FCRL5: variants seen among roughly 807,000 people sequenced by gnomAD.
The protein encoded by FCRL5 is Fc receptor-like protein 5.
FCRL5 carries 79 observed loss-of-function variants against 92.1 expected under a neutral mutation model. That is an observed-to-expected ratio of 0.86 (90% CI 0.72 to 1.03). FCRL5 has a LOEUF of 1.03. FCRL5 is among the 50% of genes least tolerant of loss of function. The pLI is 0.00. For synonymous variants in FCRL5, 466 were observed against 469.3 expected (o/e 0.99, Z 0.09); for missense variants, 1,160 against 1,181.1 (o/e 0.98, Z 0.26).
At chr1:157,530,038 A>G (rs1256323692) in intron 8 of FCRL5, among the ~76,000 whole-genome samples, 1 of 152,246 alleles carries the variant, frequency 6.6e-6, no homozygotes, top group Non-Finnish European at 1.5e-5. Flanking sequence ...GTAAAAATAA[A>G]AAGTTTTACC....
chr1:157,524,259 G>A lies in FCRL5; in HGVS notation c.2239+20C>T. 6 of 1,613,492 alleles carry A rather than the reference G, an allele frequency of 3.7e-6. No individual in the cohort carries two copies. In the South Asian group the frequency reaches 5.5e-5, roughly 15 times the overall value. The stretch of plus-strand genomic sequence containing the variant: ...ACAGTCAGTTCTCAGATGTGCTGCT[G>A]GTGGGCAGGGCCCACTCACCTGCAA... On this transcript the variant is annotated intron_variant, in intron 10 of 16. Transcript: ENST00000361835.
chr1:157,535,171 A>T (rs937387662), intron 7 of FCRL5, among the ~76,000 whole-genome samples: 1 of 152,156 alleles, frequency 6.6e-6, no homozygotes, highest in African/African-American at 2.4e-5. Context: ...GCTTTCAAGG[A>T]AAAAATTCCT....
chr1:157,524,074 A>C lies in FCRL5; in HGVS notation c.2239+205T>G, dbSNP rs142585075. ...TAGTGAGGTGCTTTGATCATCTTCA[A>C]GAAGACTGCTGGGAAACATCAGATT... On this transcript the variant is annotated intron_variant, in intron 10 of 16. Transcript: ENST00000361835. 155 of 546,896 alleles carry C rather than the reference A, an allele frequency of 2.8e-4. No individual in the cohort carries two copies. The East Asian group carries it at 3.8e-3, about 13-fold the overall frequency. The allele number at this position is 546,896 out of a possible 1,614,324, so 33.9% of individuals were successfully genotyped here. A position where few individuals can be genotyped will look rare whatever the true frequency, so the allele number is the denominator to read the frequency against.
intron 10 of FCRL5, chr1:157,523,866 T>C (rs1223930046): frequency 1.7e-5 from 4 of 231,836 alleles, no homozygotes; most frequent in African/African-American, 6.8e-5. Flanking sequence ...ACATCCCCAG[T>C]AATGAAAGAG....
Position 157,552,498 on chromosome 1 carries a change from A to G in FCRL5, c.-136T>C. ...CATCTGAGAAGCTGTGCTCTCAAAAAGAGCAGAATGCATTAGTGAATTGAA... is the reference window on the plus strand; with the variant it reads ...CATCTGAGAAGCTGTGCTCTCAAAAGGAGCAGAATGCATTAGTGAATTGAA... On this transcript the variant is annotated 5_prime_UTR_variant, in exon 1 of 17. Transcript: ENST00000361835. The G allele has an allele frequency of 1.2e-6, 1 of 843,374 alleles. No homozygotes were observed. Among genetic ancestry groups the G allele is most frequent in the Non-Finnish European group, 2.0e-6 (1 of 505,550 alleles). 52.2% of individuals were successfully genotyped at this position (843,374 alleles called of 1,614,324 possible). A position where few individuals can be genotyped will look rare whatever the true frequency, so the allele number is the denominator to read the frequency against.
At chr1:157,529,442 CTGG>C (rs1290396592) in intron 8 of FCRL5, among the ~76,000 whole-genome samples, 2 of 152,166 alleles carry the variant, frequency 1.3e-5, no homozygotes, top group Non-Finnish European at 2.9e-5. Flanking sequence ...AATCCCACTA[CTGG>C]GTATCTACCC....
Position 157,543,123 on chromosome 1 carries a change from G to A in FCRL5, c.859C>T (p.Pro287Ser). 6.2e-7 allele frequency: 1 copy of A among 1,614,020 alleles called. No individual in the cohort carries two copies. The highest frequency in any genetic ancestry group is 8.5e-7 in the Non-Finnish European group (1 of 1,179,958). ...WIQVQIPASH[P>S]VLTLSPEKAL... ...TTTTCAGGGCTGAGAGTGAGGACAG[G>A]ATGAGATGCAGGGACTGAGCAAGAG... Residue 287 changes from proline to serine, a missense_variant, in exon 6 of 17, where the codon CCT becomes TCT. Pro to Ser is a moderately conservative substitution (Grantham distance 74, BLOSUM62 -1). Coordinates refer to ENST00000361835, the MANE Select transcript of FCRL5 (RefSeq NM_031281.3).
At chr1:157,524,640 GT>G in intron 9 of FCRL5, 83 bp from the exon 10 acceptor site, 1 of 1,413,254 alleles carries the variant, frequency 7.1e-7, no homozygotes, top group East Asian at 2.3e-5. Context: ...ATGGAAGAAT[GT>G]TTTTCTCAGT....
In FCRL5 at chr1:157,534,896, A is replaced by G. The variant is rs1650895187; in HGVS notation, c.1403-4T>C. ...AGGACAGGATGAGACACAGGGACTG[A>G]GGAAGAGAAAGATTGAATCAAGAGT... On this transcript the variant is annotated splice_polypyrimidine_tract_variant and splice_region_variant and intron_variant, in intron 7 of 16. Coordinates refer to ENST00000361835, the MANE Select transcript of FCRL5 (RefSeq NM_031281.3). 6.6e-7 allele frequency: 1 copy of G among 1,520,578 alleles called. No homozygotes were observed. Among genetic ancestry groups the G allele is most frequent in the African/African-American group, 1.4e-5 (1 of 71,634 alleles). 94.2% of individuals were successfully genotyped at this position (1,520,578 alleles called of 1,614,324 possible). A position where few individuals can be genotyped will look rare whatever the true frequency, so the allele number is the denominator to read the frequency against.
At position 157,544,250 on chromosome 1, in the gene FCRL5, A is replaced by G; in HGVS notation, c.844+12T>C. 1 of 1,612,054 alleles carries G rather than the reference A, an allele frequency of 6.2e-7. No homozygotes were observed. Among genetic ancestry groups the G allele is most frequent in the Non-Finnish European group, 8.5e-7 (1 of 1,178,198 alleles). The stretch of plus-strand genomic sequence containing the variant: ...CTCTCTGCAGCAAATCTCAGGTTCC[A>G]CCAACACTTACTCTGCACCTGTATC... On this transcript the variant is annotated intron_variant, in intron 5 of 16. Transcript: ENST00000361835.
intron 6 of FCRL5, among the ~76,000 whole-genome samples, chr1:157,540,460 A>G (rs770455294): frequency 9.9e-5 from 15 of 152,080 alleles, no homozygotes; most frequent in Admixed American, 8.5e-4. Flanking sequence ...GTCCTAGATA[A>G]AAGGTTTTTA....
Position 157,534,710 on chromosome 1 carries a change from A to G in FCRL5, c.1585T>C (p.Phe529Leu). ...CCTGAATGTCCTTCAGTCAGAGAGAAGCTGAAGGACACTCTTCCCACAGAG... is the reference window on the plus strand; with the variant it reads ...CCTGAATGTCCTTCAGTCAGAGAGAGGCTGAAGGACACTCTTCCCACAGAG... ...TPSVGRVSFS[F>L]SLTEGHSGNY... Residue 529 changes from phenylalanine (F) to leucine (L), a missense_variant, in exon 8 of 17, where the codon TTC becomes CTC. Phe to Leu is a conservative substitution (Grantham distance 22, BLOSUM62 0). Transcript: ENST00000361835. The G allele has an allele frequency of 6.2e-7, 1 of 1,613,976 alleles. No homozygotes were observed.
rs1280147611 is a variant in FCRL5 at position 157,515,676 on chromosome 1, C to T, written c.2933G>A (p.Ter978=). The change falls in exon 17 of 17, where the codon TGA becomes TAA. Residue 978 remains the stop codon, a stop_retained_variant. Coordinates refer to ENST00000361835, the MANE Select transcript of FCRL5 (RefSeq NM_031281.3). The part of the protein sequence containing the change: ...LFLASSAPHR[*] ...CAGCAGTTGGAGAGACGTGTGGACT[C>T]ATCTGTGAGGAGCTGAGGAAGCCAA... The T allele has an allele frequency of 6.2e-7, 1 of 1,614,170 alleles. No homozygotes were observed. The highest frequency in any genetic ancestry group is 1.6e-4 in the Middle Eastern group (1 of 6,062).
At chr1:157,523,590 G>A (rs1650295621) in intron 10 of FCRL5, among the ~76,000 whole-genome samples, 2 of 152,164 alleles carry the variant, frequency 1.3e-5, no homozygotes, top group South Asian at 2.1e-4. Context: ...CTTGTAGGAG[G>A]TCATCACCAA....
chr1:157,522,456 C>T (rs1277750985), intron 10 of FCRL5: 1 of 152,210 alleles, frequency 6.6e-6, no homozygotes, highest in African/African-American at 2.4e-5. Flanking sequence ...CTTCACTTCT[C>T]TAAACCTCAG....
intron 13 of FCRL5, chr1:157,519,187 T>A (rs894912737): frequency 4.5e-5 from 8 of 176,452 alleles, no homozygotes; most frequent in Non-Finnish European, 8.4e-5. Flanking sequence ...GTGCTCTACA[T>A]GTTTGGATGC....
chr1:157,519,899 GC>G, intron 12 of FCRL5, 129 bp from the exon 13 acceptor site: 1 of 950,862 alleles, frequency 1.1e-6, no homozygotes, highest in Non-Finnish European at 1.7e-6. Context: ...TCTTTGTTAT[GC>G]CCCAGGGAGG....
intron 2 of FCRL5, among the ~76,000 whole-genome samples, chr1:157,547,857 G>A (rs1651630470): frequency 6.6e-6 from 1 of 152,196 alleles, no homozygotes; most frequent in Admixed American, 6.5e-5. Flanking sequence ...CAAAGGAATG[G>A]CAGTAAGAGC....
intron 5 of FCRL5, 79 bp from the exon 6 acceptor site, chr1:157,543,216 C>G (rs1421185717): frequency 1.5e-6 from 2 of 1,349,378 alleles, no homozygotes; most frequent in Non-Finnish European, 2.0e-6. Flanking sequence ...TGCAAATGCC[C>G]AGTCTCCAGT....
Sources: gnomAD v4.1 joint callset for allele counts (sites outside exome capture counted in the v4.1 genomes callset) on GRCh38, gnomAD v4.1.1 for gene constraint, MANE v1.5 for transcripts, NCBI Gene and HGNC (gene_info 2026-07-23, HGNC 2026-07-21) for gene names.